The following RPTOR variants were observed in gnomAD, a reference collection of about 807,000 sequenced individuals.
RPTOR encodes the protein regulatory-associated protein of mTOR.
In RPTOR, 21 loss-of-function variants were observed where a neutral mutation model predicts 169.9. The observed-to-expected ratio is 0.12, with a 90% CI of 0.09 to 0.18. The LOEUF (loss-of-function observed/expected upper bound fraction) is 0.18, where lower values mean the gene tolerates loss of function less well. RPTOR is among the 10% of genes least tolerant of loss of function. The probability of loss-of-function intolerance (pLI) is 1.00; values close to 1 mark genes in which losing one functional copy is unlikely to be tolerated. For synonymous variants in RPTOR, 732 were observed against 753.2 expected, an observed-to-expected ratio of 0.97 and a Z score of 0.46; for missense variants, 1,133 against 1,855.9, an observed-to-expected ratio of 0.61 and a Z score of 7.16.
At position 80,860,706 on chromosome 17, in the gene RPTOR, C is replaced by G. The variant is rs2067908445; in HGVS notation, c.1509+2806C>G. ...ATTCTTGTAGATTCCCTGGGATTTT[C>G]TGCTAGTTCACTGGTTCTTGTAGAT... On this transcript the variant is annotated intron_variant, in intron 13 of 33. Coordinates refer to ENST00000306801, the MANE Select transcript of RPTOR (RefSeq NM_020761.3). The surrounding 1 kb of genome is among the most constrained non-coding windows in gnomAD (Gnocchi z 5.8). Among the ~76,000 whole-genome samples, 1 of 152,064 alleles carries G rather than the reference C, an allele frequency of 6.6e-6. No homozygotes were observed. Among genetic ancestry groups the G allele is most frequent in the Admixed American group, 6.5e-5 (1 of 15,276 alleles).
chr17:80,653,937 A>T (rs928412255), intron 3 of RPTOR, among the ~76,000 whole-genome samples: 2 of 152,128 alleles, frequency 1.3e-5, no homozygotes, highest in Admixed American at 6.5e-5. Flanking sequence ...GTGTCGCTGG[A>T]TTTTCAAGAT....
At chr17:80,867,825 G>A (rs2068010551) in intron 13 of RPTOR, among the ~76,000 whole-genome samples, 1 of 152,128 alleles carries the variant, frequency 6.6e-6, no homozygotes, top group Non-Finnish European at 1.5e-5. Flanking sequence ...GGCAAGATCT[G>A]TACACCAAAA....
chr17:80,743,924 C>G, intron 5 of RPTOR, among the ~76,000 whole-genome samples: 1 of 72,014 alleles, frequency 1.4e-5, no homozygotes, highest in Non-Finnish European at 2.9e-5. Context: ...TGGTTACTAG[C>G]AGAGCCCTGG....
chr17:80,657,365 C>A (rs1468018011), intron 3 of RPTOR, among the ~76,000 whole-genome samples: 16 of 152,166 alleles, frequency 1.1e-4, no homozygotes, highest in Non-Finnish European at 2.1e-4. Context: ...GAGAGGGAAT[C>A]CAGATTTTTA....
intron 3 of RPTOR, among the ~76,000 whole-genome samples, chr17:80,669,320 G>A (rs1417624199): frequency 6.6e-6 from 1 of 152,240 alleles, no homozygotes; most frequent in Non-Finnish European, 1.5e-5. Context: ...TGCCCTTGCT[G>A]CATTAATAGC....
At chr17:80,791,092 C>G (rs2067043086) in intron 6 of RPTOR, among the ~76,000 whole-genome samples, 1 of 151,688 alleles carries the variant, frequency 6.6e-6, no homozygotes, top group Non-Finnish European at 1.5e-5. Flanking sequence ...CAGCTCACTT[C>G]CTTAAGAAGG....
chr17:80,613,677 G>T (rs2065287756), intron 1 of RPTOR, among the ~76,000 whole-genome samples: 1 of 150,590 alleles, frequency 6.6e-6, no homozygotes, highest in Non-Finnish European at 1.5e-5. Flanking sequence ...GTGTTGTGTG[G>T]ACACAGGTGC....
chr17:80,802,553 T>C (rs1045461328), intron 7 of RPTOR: 2 of 150,890 alleles, frequency 1.3e-5, no homozygotes, highest in African/African-American at 2.5e-5. Flanking sequence ...GAGGTCATGC[T>C]ACTGCACTCC....
chr17:80,785,761 C>T (rs1216896220), intron 6 of RPTOR, among the ~76,000 whole-genome samples: 5 of 152,114 alleles, frequency 3.3e-5, no homozygotes, highest in African/African-American at 4.8e-5. Context: ...GTGACAATGA[C>T]AGTCATGATG....
At chr17:80,942,651 T>G (rs2069047254) in intron 25 of RPTOR, among the ~76,000 whole-genome samples, 1 of 151,960 alleles carries the variant, frequency 6.6e-6, no homozygotes, top group African/African-American at 2.4e-5. Flanking sequence ...AGGAGCCAAC[T>G]GTGTGCTGGG....
At chr17:80,737,120 A>T (rs1056324389) in intron 5 of RPTOR, among the ~76,000 whole-genome samples, 3 of 151,890 alleles carry the variant, frequency 2.0e-5, no homozygotes, top group African/African-American at 7.3e-5. Flanking sequence ...CTCCAGCATA[A>T]TTTTTTTTCC....
chr17:80,671,058 C>T (rs992697709), intron 3 of RPTOR, among the ~76,000 whole-genome samples: 1 of 151,988 alleles, frequency 6.6e-6, no homozygotes, highest in Non-Finnish European at 1.5e-5. Context: ...GGAGCGTGGC[C>T]CAGTATTTCC....
chr17:80,709,919 C>T (rs2066173190), intron 4 of RPTOR, among the ~76,000 whole-genome samples: 1 of 151,886 alleles, frequency 6.6e-6, no homozygotes. Context: ...TGTCTCTCTT[C>T]TCAGAATTTA....
chr17:80,931,414 A>C (rs1416068728), intron 24 of RPTOR, among the ~76,000 whole-genome samples: 4 of 152,174 alleles, frequency 2.6e-5, no homozygotes, highest in Non-Finnish European at 4.4e-5. Context: ...CGCAAGGCTA[A>C]ACCTGGACCA....
At chr17:80,829,709 T>C (rs2067482829) in intron 9 of RPTOR, among the ~76,000 whole-genome samples, 2 of 152,226 alleles carry the variant, frequency 1.3e-5, no homozygotes, top group African/African-American at 4.8e-5. Flanking sequence ...AGTCTCAGGA[T>C]GCTTCCCCCA....
intron 6 of RPTOR, among the ~76,000 whole-genome samples, chr17:80,782,401 AT>A (rs201035781): frequency 6.6e-6 from 1 of 151,110 alleles, no homozygotes; most frequent in Non-Finnish European, 1.5e-5. Context: ...TTTTATTTTT[AT>A]TTTTTTTTAA....
intron 13 of RPTOR, among the ~76,000 whole-genome samples, chr17:80,862,540 G>A (rs921988050): frequency 1.2e-4 from 18 of 151,218 alleles, no homozygotes; most frequent in African/African-American, 3.7e-4. Flanking sequence ...ATGGTCCTCC[G>A]AAGCTCCGCC....
At chr17:80,935,948 A>G (rs1411341634) in intron 24 of RPTOR, among the ~76,000 whole-genome samples, 1 of 152,252 alleles carries the variant, frequency 6.6e-6, no homozygotes, top group African/African-American at 2.4e-5. Context: ...AGCGAAAATT[A>G]TAAAACACGT....
intron 5 of RPTOR, among the ~76,000 whole-genome samples, chr17:80,738,116 C>G (rs1341529421): frequency 6.6e-6 from 1 of 152,194 alleles, no homozygotes; most frequent in East Asian, 1.9e-4. Flanking sequence ...AACACAGGCC[C>G]ATGGAGGATG....
Sources: allele counts gnomAD v4.1 joint callset (sites outside exome capture counted in the v4.1 genomes callset), GRCh38; gene constraint gnomAD v4.1.1; non-coding constraint Gnocchi (gnomAD v3.1); transcripts MANE v1.5; gene names NCBI Gene and HGNC (gene_info 2026-07-23, HGNC 2026-07-21).